Variants in SPAG16 observed in about 807,000 individuals in gnomAD.
SPAG16 encodes sperm associated antigen 16.
A neutral mutation model predicts 80.4 loss-of-function variants in SPAG16; 86 were observed. The ratio of observed to expected loss-of-function variants is 1.07; its 90% confidence interval spans 0.90 to 1.28. The LOEUF (loss-of-function observed/expected upper bound fraction) is 1.28, where lower values mean the gene tolerates loss of function less well. SPAG16 is among the 50% of genes most tolerant of loss of function. The pLI, the probability that SPAG16 is intolerant of heterozygous loss-of-function variation, is 0.00. For synonymous variants in SPAG16, 294 were observed against 265.9 expected (o/e 1.11, Z -1.03); for missense variants, 870 against 765.3 (o/e 1.14, Z -1.61).
intron 10 of SPAG16, among the ~76,000 whole-genome samples, chr2:213,591,214 G>A (rs892821755): frequency 9.2e-5 from 14 of 152,264 alleles, no homozygotes; most frequent in African/African-American, 3.4e-4. Flanking sequence ...TTTGGAGTAT[G>A]TGTTTTAAAG....
At chr2:213,931,845 TA>T (rs1040852675) in intron 12 of SPAG16, among the ~76,000 whole-genome samples, 3 of 152,062 alleles carry the variant, frequency 2.0e-5, no homozygotes, top group African/African-American at 7.2e-5. Flanking sequence ...AAGGACAAAA[TA>T]AATTGTACTA....
At chr2:214,204,015 T>A (rs2058079632) in intron 15 of SPAG16, among the ~76,000 whole-genome samples, 1 of 152,124 alleles carries the variant, frequency 6.6e-6, no homozygotes, top group African/African-American at 2.4e-5. Flanking sequence ...AGACCAGCCT[T>A]TTGGGCTGCA....
At chr2:214,038,057 C>T (rs998097584) in intron 13 of SPAG16, among the ~76,000 whole-genome samples, 6 of 152,034 alleles carry the variant, frequency 3.9e-5, no homozygotes, top group Admixed American at 1.3e-4. Flanking sequence ...CATTAATTGA[C>T]GTGCTAAATG....
chr2:213,330,632 G>A lies in SPAG16; in HGVS notation c.537-9531G>A, dbSNP rs151305408. On this transcript the variant is annotated intron_variant, in intron 5 of 15. Coordinates refer to ENST00000331683, the MANE Select transcript of SPAG16 (RefSeq NM_024532.5). ...TTTGTCTCAGATAAGACTTTGGACT[G>A]TGGACTTTTGAGTTAATGCTGAAAA... Among the ~76,000 whole-genome samples the A allele has an allele frequency of 6.9e-3, 1,045 of 152,294 alleles. 11 individuals are homozygous for A. Among genetic ancestry groups the A allele is most frequent in the Non-Finnish European group, 9.9e-3 (675 of 68,014 alleles).
intron 1 of SPAG16, among the ~76,000 whole-genome samples, chr2:213,290,178 G>C (rs2062213455): frequency 6.6e-6 from 1 of 152,196 alleles, no homozygotes; most frequent in Non-Finnish European, 1.5e-5. Flanking sequence ...TGCTAGTGCA[G>C]AAACTATGAG....
chr2:213,620,028 G>T (rs970960628), intron 10 of SPAG16, among the ~76,000 whole-genome samples: 1 of 152,110 alleles, frequency 6.6e-6, no homozygotes, highest in South Asian at 2.1e-4. Context: ...GGATGAACCG[G>T]AAGACATTAT....
intron 14 of SPAG16, among the ~76,000 whole-genome samples, chr2:214,130,189 A>C (rs1417041911): frequency 2.0e-5 from 3 of 152,188 alleles, no homozygotes; most frequent in Admixed American, 6.6e-5. Flanking sequence ...CCAAGCCCCA[A>C]ACTGGAAGTC....
chr2:213,791,174 A>T (rs950267977), intron 10 of SPAG16, among the ~76,000 whole-genome samples: 2 of 152,080 alleles, frequency 1.3e-5, no homozygotes, highest in Admixed American at 1.3e-4. Flanking sequence ...AGCAAAACTA[A>T]TATAGAAATC....
At chr2:213,950,712 T>C (rs1376329761) in intron 12 of SPAG16, among the ~76,000 whole-genome samples, 2 of 145,232 alleles carry the variant, frequency 1.4e-5, no homozygotes, top group East Asian at 2.0e-4. Context: ...CTTTTTTTTT[T>C]TTTTTTTTTT....
intron 9 of SPAG16, among the ~76,000 whole-genome samples, chr2:213,469,659 G>A (rs1163976579): frequency 6.6e-6 from 1 of 150,720 alleles, no homozygotes; most frequent in Non-Finnish European, 1.5e-5. Flanking sequence ...TCCCACCTGG[G>A]TTGGGGTGTT....
intron 9 of SPAG16, among the ~76,000 whole-genome samples, chr2:213,389,433 G>A (rs2067620503): frequency 6.6e-6 from 1 of 151,928 alleles, no homozygotes; most frequent in African/African-American, 2.4e-5. Context: ...TAAAATTTGG[G>A]GCATCGAAAG....
intron 13 of SPAG16, among the ~76,000 whole-genome samples, chr2:214,062,215 T>G (rs192461077): frequency 1.3e-4 from 20 of 151,426 alleles, no homozygotes; most frequent in Non-Finnish European, 2.8e-4. Flanking sequence ...AGGTCAGGAG[T>G]TCGAGACCAG....
At chr2:213,335,917 C>A (rs1283101034) in intron 5 of SPAG16, among the ~76,000 whole-genome samples, 1 of 151,616 alleles carries the variant, frequency 6.6e-6, no homozygotes, top group African/African-American at 2.4e-5. Flanking sequence ...CCAAGTTTAC[C>A]AAATAGAAAC....
chr2:214,161,530 G>A (rs1233284909), intron 15 of SPAG16, among the ~76,000 whole-genome samples: 4 of 152,116 alleles, frequency 2.6e-5, no homozygotes, highest in Non-Finnish European at 5.9e-5. Context: ...TTGTGGTTTT[G>A]ATTTGCCTTT....
intron 10 of SPAG16, among the ~76,000 whole-genome samples, chr2:213,638,993 T>C (rs2062479693): frequency 6.6e-6 from 1 of 152,226 alleles, no homozygotes; most frequent in South Asian, 2.1e-4. Context: ...CATTTTTATA[T>C]AATGTTCCTC....
intron 10 of SPAG16, among the ~76,000 whole-genome samples, chr2:213,496,626 A>G (rs894576252): frequency 3.3e-5 from 5 of 152,026 alleles, no homozygotes; most frequent in Admixed American, 2.6e-4. Flanking sequence ...TGGAAAACAT[A>G]TAATTTAATT....
At chr2:213,769,172 T>C (rs1256770358) in intron 10 of SPAG16, among the ~76,000 whole-genome samples, 1 of 152,298 alleles carries the variant, frequency 6.6e-6, no homozygotes, top group Non-Finnish European at 1.5e-5. Flanking sequence ...GAATGAGGAA[T>C]TGGGGTGGAT....
At chr2:213,664,079 A>G (rs1559355565) in intron 10 of SPAG16, among the ~76,000 whole-genome samples, 2 of 151,994 alleles carry the variant, frequency 1.3e-5, no homozygotes, top group Non-Finnish European at 2.9e-5. Flanking sequence ...TTTTGCCTTT[A>G]AGTTTTTAGA....
Position 213,317,214 on chromosome 2 carries a change from C to A in SPAG16, c.399-5C>A, listed in dbSNP as rs1256160990. On this transcript the variant is annotated splice_polypyrimidine_tract_variant and splice_region_variant and intron_variant, in intron 4 of 15. Transcript: ENST00000331683. ...TATAAACCCTTTTGTTTGATTTTAT[C>A]CTAGGTATGAGTTAATACAGAAAGG... The A allele has an allele frequency of 1.9e-6, 3 of 1,547,224 alleles. No individual in the cohort carries two copies. The highest frequency in any genetic ancestry group is 2.6e-6 in the Non-Finnish European group (3 of 1,142,746).
Sources: allele counts gnomAD v4.1 joint callset (sites outside exome capture counted in the v4.1 genomes callset), GRCh38; gene constraint gnomAD v4.1.1; transcripts MANE v1.5; gene names NCBI Gene and HGNC (gene_info 2026-07-23, HGNC 2026-07-21).